The following BAZ2A variants were observed in gnomAD, a reference collection of about 807,000 sequenced individuals.
BAZ2A encodes the protein bromodomain adjacent to zinc finger domain 2A.
BAZ2A carries 34 observed loss-of-function variants against 199.9 expected under a neutral mutation model. That is an observed-to-expected ratio of 0.17 (90% confidence interval 0.13 to 0.23). The LOEUF (loss-of-function observed/expected upper bound fraction) is 0.23, where lower values mean the gene tolerates loss of function less well. Among genes scored for constraint, BAZ2A ranks in the 10% least tolerant of loss-of-function variants. The pLI, the probability that BAZ2A is intolerant of heterozygous loss-of-function variation, is 1.00. For synonymous variants in BAZ2A, 857 were observed against 883.9 expected, an observed-to-expected ratio of 0.97 and a Z score of 0.54; for missense variants, 2,002 against 2,391.1, an observed-to-expected ratio of 0.84 and a Z score of 3.39.
Position 56,599,186 on chromosome 12 carries a change from G to C in BAZ2A, c.5345C>G (p.Pro1782Arg), listed in dbSNP as rs747503106. The change falls in exon 27 of 29, where the codon CCC becomes CGC. Residue 1782 changes from proline to arginine, a missense_variant. Physicochemically the swap from Pro to Arg is moderately radical, Grantham distance 103. This residue lies in a region of BAZ2A where 122 missense variants were observed against 123.0 expected (regional missense o/e 0.99). Coordinates refer to ENST00000549884, the MANE Select transcript of BAZ2A (RefSeq NM_001300905.2). ...CATAGAGAGTCGCCGCCGCTTGGAG[G>C]GGGAGAGCCCTTCTTCCGAGTACCG... ...GPRYSEEGLS[P>R]SKRRRLSMRN... The C allele has an allele frequency of 8.7e-6, 14 of 1,613,184 alleles. No homozygotes were observed. Among genetic ancestry groups the C allele is most frequent in the South Asian group, 1.1e-5 (1 of 90,928 alleles).
rs764276777 is a variant in BAZ2A, at chr12:56,603,436, G to A, written c.3220-18C>T. ...GCATCAACCTAGGGAGAAACACATG[G>A]GCATTATGAAAAAGGAGGTTATCAG... is the stretch of plus-strand genomic sequence containing the variant. On this transcript the variant is annotated intron_variant, in intron 17 of 28. Transcript: ENST00000549884. 6.2e-6 allele frequency: 10 copies of A among 1,613,716 alleles called. No individual in the cohort carries two copies. In the East Asian group the frequency reaches 2.2e-4, roughly 36 times the overall value.
In BAZ2A at chr12:56,609,789, G is replaced by A. The variant is rs745824951; in HGVS notation, c.2039C>T (p.Thr680Ile). The A allele has an allele frequency of 6.2e-7, 1 of 1,613,950 alleles. No homozygotes were observed. Among genetic ancestry groups the A allele is most frequent in the Non-Finnish European group, 8.5e-7 (1 of 1,179,876 alleles). Residue 680 changes from threonine (T) to isoleucine (I), a missense_variant, in exon 10 of 29, where the codon ACT (threonine) becomes ATT (isoleucine). By Grantham distance (89) the Thr-to-Ile change is moderately conservative. This residue lies in a region of BAZ2A where 1,081 missense variants were observed against 1,274.7 expected (regional missense o/e 0.85). Coordinates refer to ENST00000549884, the MANE Select transcript of BAZ2A (RefSeq NM_001300905.2). ...GRGRPPKVKI[T>I]ELLNKTDNRP... ...GTTGTCTGTCTTGTTCAATAGCTCA[G>A]TGATTTTGACCTTAGGTGGCCGACC...
At position 56,600,402 on chromosome 12, in the gene BAZ2A, C is replaced by T. The variant is rs192786002; in HGVS notation, c.4691G>A (p.Arg1564Gln). 1.4e-5 allele frequency: 22 copies of T among 1,614,030 alleles called. No individual in the cohort carries two copies. In the South Asian group the frequency reaches 1.8e-4, roughly 13 times the overall value. The change falls in exon 24 of 29, where the codon CGA becomes CAA. Residue 1564 changes from arginine to glutamine, a missense_variant. Physicochemically the swap from Arg to Gln is conservative, Grantham distance 43. This residue lies in a region of BAZ2A where 1,081 missense variants were observed against 1,274.7 expected (regional missense o/e 0.85). Coordinates refer to ENST00000549884, the MANE Select transcript of BAZ2A (RefSeq NM_001300905.2). Reference protein sequence around the residue: ...LSDSQEDITWRGRGREGLAPQ... With the variant: ...LSDSQEDITWQGRGREGLAPQ... ...TGCCAGTCCCTCCCTGCCCCGACCTCGCCAGGTGATATCCTCCTGGGAGTC... is the reference window on the plus strand; with the variant it reads ...TGCCAGTCCCTCCCTGCCCCGACCTTGCCAGGTGATATCCTCCTGGGAGTC...
chr12:56,622,026 CTG>C (rs921184263), intron 1 of BAZ2A, among the ~76,000 whole-genome samples: 7 of 149,976 alleles, frequency 4.7e-5, no homozygotes, highest in Non-Finnish European at 8.9e-5. Flanking sequence ...CAGTAAAAGA[CTG>C]TGTAGTTTTC....
chr12:56,597,809 G>A lies in BAZ2A; in HGVS notation c.*809C>T, dbSNP rs992883776. The A allele has an allele frequency of 1.3e-5, 2 of 152,696 alleles. No homozygotes were observed. Among genetic ancestry groups the A allele is most frequent in the Non-Finnish European group, 2.9e-5 (2 of 68,120 alleles). 9.5% of individuals were successfully genotyped at this position (152,696 alleles called of 1,614,324 possible). Reference sequence around the variant, plus strand: ...TGGGGAAGGAGGCTGGAAGGCCCAGGAAGCCTCCCTGCCCTCTCCCCAGCT... The same window carrying A: ...TGGGGAAGGAGGCTGGAAGGCCCAGAAAGCCTCCCTGCCCTCTCCCCAGCT... On this transcript the variant is annotated 3_prime_UTR_variant, in exon 29 of 29. Coordinates refer to ENST00000549884, the MANE Select transcript of BAZ2A (RefSeq NM_001300905.2).
intron 1 of BAZ2A, among the ~76,000 whole-genome samples, chr12:56,625,154 C>CTTTTTTT (rs1002458672): frequency 5.5e-5 from 6 of 108,110 alleles, no homozygotes; most frequent in East Asian, 2.6e-4. Flanking sequence ...CTTAGAATTT[C>CTTTTTTT]TTTTTTTTTT....
Position 56,605,320 on chromosome 12 carries a change from G to C in BAZ2A, c.2501C>G (p.Pro834Arg), listed in dbSNP as rs1186905304. Residue 834 changes from proline (P) to arginine (R), a missense_variant, in exon 14 of 29, where the codon CCT (proline) becomes CGT (arginine). By Grantham distance (103) the Pro-to-Arg change is moderately radical. Around this residue, in one of 6 missense-constraint regions of BAZ2A, gnomAD observed 1,081 missense variants for 1,274.7 expected, o/e 0.85. Coordinates refer to ENST00000549884, the MANE Select transcript of BAZ2A (RefSeq NM_001300905.2). The stretch of plus-strand genomic sequence containing the variant: ...CAGACCAGGGACTCGTGAGAAGTCA[G>C]GCAGGGGCTAGAGAGAGAAAAGTGA... Reference protein sequence around the residue: ...DMCLTDHQPLPDFSRVPGLTL... With the variant: ...DMCLTDHQPLRDFSRVPGLTL... 1 of 1,611,526 alleles carries C rather than the reference G, an allele frequency of 6.2e-7. No individual in the cohort carries two copies. The highest frequency in any genetic ancestry group is 8.5e-7 in the Non-Finnish European group (1 of 1,178,232).
At chr12:56,617,369 C>T in intron 2 of BAZ2A, 26 bp downstream of exon 2, 1 of 1,570,980 alleles carries the variant, frequency 6.4e-7, no homozygotes, top group Non-Finnish European at 8.6e-7. Flanking sequence ...CATTCCCTCC[C>T]CAGGCCAAGC....
chr12:56,600,774 G>A lies in BAZ2A; in HGVS notation c.4509C>T (p.Ser1503=). Residue 1503 remains serine (S), a synonymous_variant, in exon 23 of 29, where the codon TCC becomes TCT. Coordinates refer to ENST00000549884, the MANE Select transcript of BAZ2A (RefSeq NM_001300905.2). ...CTGTCTCGTATGTCTTCTCTTTGGGGGACCAGCTCATAATCCCTTCTTGAA... is the reference window on the plus strand; with the variant it reads ...CTGTCTCGTATGTCTTCTCTTTGGGAGACCAGCTCATAATCCCTTCTTGAA... ...PAFQEGIMSW[S]PKEKTYETDL... is the part of the protein sequence containing the mutation. The A allele has an allele frequency of 2.5e-6, 4 of 1,613,848 alleles. No individual in the cohort carries two copies. The highest frequency in any genetic ancestry group is 2.2e-5 in the East Asian group (1 of 44,866).
In BAZ2A at chr12:56,615,251, G is replaced by A. The variant is rs373315792; in HGVS notation, c.493C>T (p.Leu165=). 7.4e-6 allele frequency: 12 copies of A among 1,613,866 alleles called. No individual in the cohort carries two copies. Among genetic ancestry groups the A allele is most frequent in the Non-Finnish European group, 1.0e-5 (12 of 1,179,904 alleles). Reference sequence around the variant, plus strand: ...TTCTGGTCAGGAAAGGAATCATACAGTTCTTGTGAATCAAAGTTAAGCCCC... The same window carrying A: ...TTCTGGTCAGGAAAGGAATCATACAATTCTTGTGAATCAAAGTTAAGCCCC... The part of the protein sequence containing the change: ...PMGLNFDSQE[L]YDSFPDQNFE... The change falls in exon 3 of 29, where the codon CTG becomes TTG. Residue 165 remains leucine (L), a synonymous_variant. Transcript: ENST00000549884.
At position 56,623,250 on chromosome 12, in the gene BAZ2A, A is replaced by G. The variant is rs186382034; in HGVS notation, c.-2-5718T>C. 5.5e-4 allele frequency among the ~76,000 whole-genome samples: 83 copies of G among 152,166 alleles called. No homozygotes were observed. The East Asian group carries it at 9.1e-3, about 17-fold the overall frequency. On this transcript the variant is annotated intron_variant, in intron 1 of 28. Coordinates refer to ENST00000549884, the MANE Select transcript of BAZ2A (RefSeq NM_001300905.2). ...GACTCCATCTCAAAAAAAAAAAAGA[A>G]AAAGGCTGACAATGCACAAAGTGTT...
chr12:56,636,069 T>C, intron 1 of BAZ2A: 1 of 1,313,898 alleles, frequency 7.6e-7, no homozygotes, highest in Non-Finnish European at 1.1e-6. Context: ...AGAGTCCTGT[T>C]TCCTCTCCTT....
chr12:56,599,092 T>C lies in BAZ2A; in HGVS notation c.5402+37A>G. 3.1e-6 allele frequency: 5 copies of C among 1,597,386 alleles called. No homozygotes were observed. In the East Asian group the frequency reaches 1.1e-4, roughly 36 times the overall value. ...TCCCAGCCCTTTCCTCTGGCAGAGG[T>C]AGAGCCAACTGTCCCCCCAGGATTC... On this transcript the variant is annotated intron_variant, in intron 27 of 28. Coordinates refer to ENST00000549884, the MANE Select transcript of BAZ2A (RefSeq NM_001300905.2).
chr12:56,606,237 A>C lies in BAZ2A; in HGVS notation c.2259+10T>G. On this transcript the variant is annotated intron_variant, in intron 12 of 28. Transcript: ENST00000549884. ...GAAATTATACTTGGCAAGTTTGTAC[A>C]TGCACCTACCTTGGATTTCTTCTTA... 1 of 1,613,946 alleles carries C rather than the reference A, an allele frequency of 6.2e-7. No individual in the cohort carries two copies. The highest frequency in any genetic ancestry group is 1.3e-5 in the African/African-American group (1 of 75,036).
chr12:56,599,215 C>G lies in BAZ2A; in HGVS notation c.5316G>C (p.Gly1772=). 6.2e-7 allele frequency: 1 copy of G among 1,613,386 alleles called. No homozygotes were observed. Among genetic ancestry groups the G allele is most frequent in the Non-Finnish European group, 8.5e-7 (1 of 1,179,712 alleles). The part of the protein sequence containing the change: ...LLRGRESPAA[G]PRYSEEGLSP... The stretch of plus-strand genomic sequence containing the variant: ...AGAGCCCTTCTTCCGAGTACCGAGG[C>G]CCTGCTGCTGGGCTTTCTCGGCCCC... The change falls in exon 27 of 29, where the codon GGG becomes GGC. Residue 1772 remains glycine (G), a synonymous_variant. Transcript: ENST00000549884.
chr12:56,603,842 G>A (rs1429897841), intron 16 of BAZ2A, 142 bp from the exon 17 acceptor site: 3 of 940,058 alleles, frequency 3.2e-6, no homozygotes, highest in African/African-American at 3.3e-5. Context: ...GTGAAACCCT[G>A]TCTCTACTAA....
rs1402975917 is a variant in BAZ2A, at chr12:56,600,199, A to G, written c.4892+2T>C. ...CAAGAATGGAGGGTGGGAGTCACTC[A>G]CATCTCTGTAGTGGTGCCCTCAGGG... On this transcript the variant is annotated splice_donor_variant, in intron 24 of 28. Transcript: ENST00000549884. LOFTEE classifies it high-confidence loss of function. 1 of 1,612,850 alleles carries G rather than the reference A, an allele frequency of 6.2e-7. No homozygotes were observed. Among genetic ancestry groups the G allele is most frequent in the Non-Finnish European group, 8.5e-7 (1 of 1,178,904 alleles).
chr12:56,632,595 A>G (rs561019120), upstream of BAZ2A, among the ~76,000 whole-genome samples: 16 of 152,234 alleles, frequency 1.1e-4, no homozygotes, highest in East Asian at 2.9e-3. Flanking sequence ...CCTAGTCTCC[A>G]GGGCAACCTT....
chr12:56,605,684 A>C (rs1950324158), intron 13 of BAZ2A, 146 bp downstream of exon 13: 3 of 938,232 alleles, frequency 3.2e-6, no homozygotes, highest in Non-Finnish European at 4.6e-6. Context: ...GGCCTCCCAA[A>C]GTGCTGGGAT....
Sources: allele counts gnomAD v4.1 joint callset (sites outside exome capture counted in the v4.1 genomes callset), GRCh38; gene constraint gnomAD v4.1.1; regional missense constraint gnomAD v4.1.1; transcripts MANE v1.5; gene names NCBI Gene and HGNC (gene_info 2026-07-23, HGNC 2026-07-21).